Variants in INTS14 observed in about 807,000 individuals in gnomAD.
INTS14 encodes the protein integrator complex subunit 14, also known as UPF0464 protein C15orf44.
In INTS14, 27 loss-of-function variants were observed where a neutral mutation model predicts 56.9. The ratio of observed to expected loss-of-function variants is 0.47; its 90% CI spans 0.35 to 0.65. The LOEUF (loss-of-function observed/expected upper bound fraction) is 0.65. Among genes scored for constraint, INTS14 ranks in the 30% least tolerant of loss-of-function variants. The pLI, the probability that INTS14 is intolerant of heterozygous loss-of-function variation, is 0.00. For missense variants in INTS14, 517 were observed against 632.2 expected, an observed-to-expected ratio of 0.82 and a Z score of 1.95; for synonymous variants, 207 against 236.2, an observed-to-expected ratio of 0.88 and a Z score of 1.13.
intron 10 of INTS14, among the ~76,000 whole-genome samples, chr15:65,582,439 A>G (rs1304080399): frequency 6.6e-6 from 1 of 152,172 alleles, no homozygotes; most frequent in East Asian, 1.9e-4. Flanking sequence ...AGAGACCTAC[A>G]TGTAAAAGCT....
chr15:65,610,412 C>T (rs546976045), intron 1 of INTS14, among the ~76,000 whole-genome samples: 2 of 152,256 alleles, frequency 1.3e-5, no homozygotes, highest in East Asian at 1.9e-4. Flanking sequence ...GAGCACAACA[C>T]TATGTATTCC....
chr15:65,583,038 A>G (rs943965750), intron 10 of INTS14, among the ~76,000 whole-genome samples: 1 of 152,176 alleles, frequency 6.6e-6, no homozygotes, highest in Non-Finnish European at 1.5e-5. Flanking sequence ...AAGGAAAACA[A>G]TGAGTATTGG....
intron 7 of INTS14, 148 bp from the exon 8 acceptor site, chr15:65,593,720 T>C: frequency 1.0e-6 from 1 of 959,980 alleles, no homozygotes; most frequent in Non-Finnish European, 1.4e-6. Context: ...TCATTCCAGT[T>C]TTCCAATATC....
At chr15:65,586,097 CATTCATTATCTATAGT>C (rs2072811495) in intron 9 of INTS14, among the ~76,000 whole-genome samples, 1 of 152,028 alleles carries the variant, frequency 6.6e-6, no homozygotes, top group Admixed American at 6.6e-5. Flanking sequence ...TTCACTTATT[CATTCATTATCTATAGT>C]AAGACCCCAC....
Position 65,610,786 on chromosome 15 carries a change from G to A in INTS14, c.-63+312C>T, listed in dbSNP as rs1281955725. 9 of 1,535,468 alleles carry A rather than the reference G, an allele frequency of 5.9e-6. No homozygotes were observed. The South Asian group carries it at 7.1e-5, about 12-fold the overall frequency. ...AGACTGAAAATCACATCTGGGAGAT[G>A]TATTTTTACCTTAAAAATCAGTCAA... On this transcript the variant is annotated intron_variant, in intron 1 of 11. Coordinates refer to ENST00000313182, the MANE Select transcript of INTS14 (RefSeq NM_001394796.1).
chr15:65,581,547 C>CAAAAAAAAAAAAA (rs57782914), intron 11 of INTS14, among the ~76,000 whole-genome samples: 1 of 47,732 alleles, frequency 2.1e-5, no homozygotes, highest in African/African-American at 8.4e-5. Context: ...GACTCCATCT[C>CAAAAAAAAAAAAA]AAAAAAAAAA....
intron 8 of INTS14, among the ~76,000 whole-genome samples, chr15:65,592,088 A>T (rs2141276264): frequency 6.6e-6 from 1 of 152,382 alleles, no homozygotes; most frequent in South Asian, 2.1e-4. Flanking sequence ...AGTCACTCAC[A>T]GCAGCACCAA....
At chr15:65,598,123 G>A (rs2073280269) in intron 6 of INTS14, among the ~76,000 whole-genome samples, 198 bp downstream of exon 6, 1 of 152,094 alleles carries the variant, frequency 6.6e-6, no homozygotes, top group East Asian at 1.9e-4. Context: ...TAAGTAAAAT[G>A]CAAATATCCC....
At chr15:65,603,686 C>G (rs550697624) in intron 3 of INTS14, among the ~76,000 whole-genome samples, 1 of 152,044 alleles carries the variant, frequency 6.6e-6, no homozygotes, top group African/African-American at 2.4e-5. Flanking sequence ...CTTTGTTTGA[C>G]CCCATAATGA....
At chr15:65,594,165 C>T (rs2141282560) in intron 7 of INTS14, among the ~76,000 whole-genome samples, 1 of 152,204 alleles carries the variant, frequency 6.6e-6, no homozygotes, top group East Asian at 1.9e-4. Context: ...CATGTGAGTC[C>T]CCAAAGGTAA....
In INTS14 at chr15:65,579,100, TGAGG is replaced by T. The variant is rs2072477121; in HGVS notation, c.*304_*307del. The T allele has an allele frequency of 4.2e-6, 1 of 235,604 alleles. No homozygotes were observed. The highest frequency in any genetic ancestry group is 8.2e-6 in the Non-Finnish European group (1 of 122,032). The allele number at this position is 235,604 out of a possible 1,614,324, so 14.6% of individuals were successfully genotyped here. A position where few individuals can be genotyped will look rare whatever the true frequency, so the allele number is the denominator to read the frequency against. On this transcript the variant is annotated 3_prime_UTR_variant, in exon 12 of 12. Transcript: ENST00000313182. Reference sequence around the variant, plus strand: ...GAGAGCCCCTGCCGGTCAGGTTTCCTGAGGAAGGCAGGGGTGCTCTATGCTCATC... The same window carrying T: ...GAGAGCCCCTGCCGGTCAGGTTTCCTAAGGCAGGGGTGCTCTATGCTCATC...
Position 65,605,133 on chromosome 15 carries a change from C to G in INTS14, c.326G>C (p.Cys109Ser). 1 of 1,612,570 alleles carries G rather than the reference C, an allele frequency of 6.2e-7. No individual in the cohort carries two copies. The highest frequency in any genetic ancestry group is 8.5e-7 in the Non-Finnish European group (1 of 1,178,590). Residue 109 changes from cysteine to serine, a missense_variant, in exon 3 of 12, where the codon TGC becomes TCC. Cys to Ser is a moderately radical substitution (Grantham distance 112). Coordinates refer to ENST00000313182, the MANE Select transcript of INTS14 (RefSeq NM_001394796.1). ...VQQEWGGAIP[C>S]QVVLVTDGCL... ...TGAAAAAGAATTGATCATTACCTGG[C>G]AAGGAATTGCACCACCCCATTCTTG...
In INTS14 at chr15:65,605,160, T is replaced by C; in HGVS notation, c.299A>G (p.Gln100Arg). 1 of 1,614,174 alleles carries C rather than the reference T, an allele frequency of 6.2e-7. No homozygotes were observed. The highest frequency in any genetic ancestry group is 1.1e-5 in the South Asian group (1 of 91,092). ...SALVGVCNIV[Q>R]QEWGGAIPCQ... ...AGGAATTGCACCACCCCATTCTTGCTGAACGATATTGCAAACACCAACTAA... is the reference window on the plus strand; with the variant it reads ...AGGAATTGCACCACCCCATTCTTGCCGAACGATATTGCAAACACCAACTAA... The change falls in exon 3 of 12, where the codon CAG becomes CGG. Residue 100 changes from glutamine to arginine, a missense_variant. Gln to Arg is a conservative substitution (Grantham distance 43). Coordinates refer to ENST00000313182, the MANE Select transcript of INTS14 (RefSeq NM_001394796.1).
At chr15:65,587,346 C>T (rs868136509) in intron 9 of INTS14, among the ~76,000 whole-genome samples, 5 of 148,086 alleles carry the variant, frequency 3.4e-5, no homozygotes, top group African/African-American at 1.3e-4. Context: ...GGAGATGACG[C>T]TAAGAAAAAA....
intron 1 of INTS14, 100 bp from the exon 2 acceptor site, chr15:65,607,542 A>AT (rs1209034725): frequency 7.5e-7 from 1 of 1,338,382 alleles, no homozygotes; most frequent in East Asian, 2.5e-5. Context: ...GGCAAACACC[A>AT]TTTAAGTTGA....
At chr15:65,604,619 A>G (rs2073574920) in intron 3 of INTS14, among the ~76,000 whole-genome samples, 1 of 151,518 alleles carries the variant, frequency 6.6e-6, no homozygotes, top group African/African-American at 2.4e-5. Context: ...AGTCTCAGCT[A>G]CTCAGGAGGA....
At chr15:65,607,083 T>C in intron 2 of INTS14, 76 bp downstream of exon 2, 1 of 1,521,692 alleles carries the variant, frequency 6.6e-7, no homozygotes, top group Non-Finnish European at 8.9e-7. Flanking sequence ...GTTCTAAATA[T>C]TCAACGCATT....
intron 9 of INTS14, among the ~76,000 whole-genome samples, chr15:65,585,961 C>T (rs1399518448): frequency 1.3e-5 from 2 of 152,172 alleles, no homozygotes; most frequent in Non-Finnish European, 2.9e-5. Context: ...AATATATAAA[C>T]CTTCTGAGTC....
intron 1 of INTS14, chr15:65,610,643 T>A: frequency 6.6e-7 from 1 of 1,525,112 alleles, no homozygotes; most frequent in Non-Finnish European, 8.8e-7. Flanking sequence ...CTCAGCAGTC[T>A]CGCTCTCAAA....
Sources: gnomAD v4.1 joint callset for allele counts (sites outside exome capture counted in the v4.1 genomes callset) on GRCh38, gnomAD v4.1.1 for gene constraint, MANE v1.5 for transcripts, NCBI Gene and HGNC (gene_info 2026-07-23, HGNC 2026-07-21) for gene names.